Variants in SNTB2 observed in about 807,000 individuals in gnomAD.
The protein encoded by SNTB2 is beta-2-syntrophin.
In SNTB2, 34 loss-of-function variants were observed where a neutral mutation model predicts 46.2. The ratio of observed to expected loss-of-function variants is 0.74; its 90% CI spans 0.56 to 0.98. The LOEUF is 0.98. Among genes scored for constraint, SNTB2 ranks in the 50% least tolerant of loss-of-function variants. The pLI is 0.00. For missense variants in SNTB2, 603 were observed against 731.4 expected (o/e 0.82, Z 2.02); for synonymous variants, 290 against 312.6 (o/e 0.93, Z 0.76).
Position 69,187,470 on chromosome 16 carries a change from G to T in SNTB2, c.304G>T (p.Gly102Cys). Reference sequence around the variant, plus strand: ...CCCGAGCCCGCCGGCGCCGCCTCGGGGCCCCGCGGGTGAGGCGGGCGCGTC... The same window carrying T: ...CCCGAGCCCGCCGGCGCCGCCTCGGTGCCCCGCGGGTGAGGCGGGCGCGTC... Reference protein sequence around the residue: ...GPPSPPAPPRGPAGEAGASPP... With the variant: ...GPPSPPAPPRCPAGEAGASPP... Residue 102 changes from glycine to cysteine, a missense_variant, in exon 1 of 7, where the codon GGC becomes TGC. Transcript: ENST00000336278. 8.3e-7 allele frequency: 1 copy of T among 1,207,150 alleles called. No homozygotes were observed. Among genetic ancestry groups the T allele is most frequent in the Non-Finnish European group, 1.0e-6 (1 of 967,970 alleles). 74.8% of individuals were successfully genotyped at this position (1,207,150 alleles called of 1,614,324 possible).
chr16:69,237,545 G>A (rs978866096), intron 1 of SNTB2, among the ~76,000 whole-genome samples: 21 of 151,564 alleles, frequency 1.4e-4, no homozygotes, highest in Admixed American at 4.0e-4. Flanking sequence ...TTTCAGTTTG[G>A]ATAAACTTGG....
In SNTB2 at chr16:69,279,515, C is replaced by CTTTTTTTTTTTTTTTT; in HGVS notation, c.1149-4520_1149-4505dup. Among the ~76,000 whole-genome samples the CTTTTTTTTTTTTTTTT allele has an allele frequency of 1.2e-3, 84 of 71,734 alleles. 9 individuals carry two copies. The highest frequency in any genetic ancestry group is 1.4e-3 in the African/African-American group (20 of 14,720). The allele number at this position is 71,734 out of a possible 152,430, so 47.1% of individuals were successfully genotyped here. On this transcript the variant is annotated intron_variant, in intron 4 of 6. Coordinates refer to ENST00000336278, the MANE Select transcript of SNTB2 (RefSeq NM_006750.4). ...TATACCAAGAAGTGGGTCCTTTGCC[C>CTTTTTTTTTTTTTTTT]TTTTTTTTTTTTTTTTTTTTTTTTT... is the stretch of plus-strand genomic sequence containing the variant.
chr16:69,279,839 A>T lies in SNTB2; in HGVS notation c.1149-4209A>T, dbSNP rs1248993722. ...CACCACGCCTGGCTGTCCTTTGCCC[A>T]TTTTTTTTAATTAATTAATTAATTA... On this transcript the variant is annotated intron_variant, in intron 4 of 6. Coordinates refer to ENST00000336278, the MANE Select transcript of SNTB2 (RefSeq NM_006750.4). Among the ~76,000 whole-genome samples, 5 of 137,336 alleles carry T rather than the reference A, an allele frequency of 3.6e-5. No individual in the cohort carries two copies. In the East Asian group the frequency reaches 1.1e-3, roughly 30 times the overall value. The allele number at this position is 137,336 out of a possible 152,430, so 90.1% of individuals were successfully genotyped here.
In SNTB2 at chr16:69,245,823, G is replaced by T. The variant is rs746862656; in HGVS notation, c.794+8G>T. ...GCCGGATCTGGAAAACAGGTGAGGT[G>T]TACCTAACAAGAACATCATACCTAC... On this transcript the variant is annotated splice_region_variant and intron_variant, in intron 2 of 6. Transcript: ENST00000336278. 2 of 1,613,202 alleles carry T rather than the reference G, an allele frequency of 1.2e-6. No individual in the cohort carries two copies. The highest frequency in any genetic ancestry group is 1.6e-4 in the Middle Eastern group (1 of 6,076).
At chr16:69,195,625 C>T (rs576715143) in intron 1 of SNTB2, among the ~76,000 whole-genome samples, 1 of 152,136 alleles carries the variant, frequency 6.6e-6, no homozygotes, top group African/African-American at 2.4e-5. Flanking sequence ...TGTGGAGGGT[C>T]TAATTCTGTA....
chr16:69,308,197 C>T lies in SNTB2; in HGVS notation c.*7273C>T, dbSNP rs76940144. 4,766 of 152,694 alleles carry T rather than the reference C, an allele frequency of 0.031. 117 individuals carry two copies. Among genetic ancestry groups the T allele is most frequent in the Non-Finnish European group, 0.048 (3,272 of 68,020 alleles). The allele number at this position is 152,694 out of a possible 1,614,324, so 9.5% of individuals were successfully genotyped here. ...GCTAATGATTGTATACTATTAAAAC[C>T]AGCACATAAGTATTGTAAATGTGTG... On this transcript the variant is annotated 3_prime_UTR_variant, in exon 7 of 7. Coordinates refer to ENST00000336278, the MANE Select transcript of SNTB2 (RefSeq NM_006750.4).
At chr16:69,230,652 C>G (rs992661689) in intron 1 of SNTB2, among the ~76,000 whole-genome samples, 1 of 151,862 alleles carries the variant, frequency 6.6e-6, no homozygotes, top group African/African-American at 2.4e-5. Flanking sequence ...TGAGCCACTG[C>G]GCCTGGCCGG....
intron 3 of SNTB2, among the ~76,000 whole-genome samples, chr16:69,266,313 G>A (rs529375363): frequency 2.2e-4 from 34 of 152,148 alleles, no homozygotes; most frequent in Non-Finnish European, 4.6e-4. Flanking sequence ...GCAGTGATCC[G>A]AGATGGGGCC....
At chr16:69,200,413 G>A (rs1964150491) in intron 1 of SNTB2, among the ~76,000 whole-genome samples, 1 of 152,148 alleles carries the variant, frequency 6.6e-6, no homozygotes, top group Admixed American at 6.5e-5. Flanking sequence ...CTAGAAGGGT[G>A]GAATACACAT....
intron 1 of SNTB2, among the ~76,000 whole-genome samples, chr16:69,205,881 T>TATTAAAA (rs1157181298): frequency 6.6e-6 from 1 of 152,228 alleles, no homozygotes; most frequent in African/African-American, 2.4e-5. Flanking sequence ...ACCAATGTAT[T>TATTAAAA]ATTAAAAATA....
At chr16:69,204,019 A>C (rs1426443122) in intron 1 of SNTB2, among the ~76,000 whole-genome samples, 1 of 152,052 alleles carries the variant, frequency 6.6e-6, no homozygotes, top group Admixed American at 6.6e-5. Flanking sequence ...CAGCCTCCCA[A>C]GGAGCTGGAA....
chr16:69,217,043 C>G (rs1319127046), intron 1 of SNTB2, among the ~76,000 whole-genome samples: 2 of 151,850 alleles, frequency 1.3e-5, no homozygotes, highest in African/African-American at 4.8e-5. Context: ...TTTTTAAAGT[C>G]TGGATATCTG....
intron 2 of SNTB2, among the ~76,000 whole-genome samples, chr16:69,258,915 T>C (rs559289134): frequency 6.6e-6 from 1 of 152,142 alleles, no homozygotes; most frequent in Non-Finnish European, 1.5e-5. Flanking sequence ...GCCTGGCCGC[T>C]AATTTTCTAT....
At chr16:69,289,131 T>C (rs1490237434) in intron 5 of SNTB2, among the ~76,000 whole-genome samples, 1 of 151,868 alleles carries the variant, frequency 6.6e-6, no homozygotes, top group African/African-American at 2.4e-5. Flanking sequence ...TAGCCAGGTG[T>C]GGTGATGCAT....
intron 1 of SNTB2, among the ~76,000 whole-genome samples, chr16:69,225,165 A>G (rs1041219611): frequency 1.3e-5 from 2 of 152,244 alleles, no homozygotes; most frequent in African/African-American, 4.8e-5. Context: ...AAGAGAAAAG[A>G]AAATTACCAA....
chr16:69,194,572 A>T (rs779536379), intron 1 of SNTB2, among the ~76,000 whole-genome samples: 8 of 152,182 alleles, frequency 5.3e-5, no homozygotes, highest in Non-Finnish European at 1.0e-4. Flanking sequence ...TTAAATCCAT[A>T]AATTAATTTG....
Position 69,284,200 on chromosome 16 carries a change from A to G in SNTB2, c.1301A>G (p.Gln434Arg). 1 of 1,613,942 alleles carries G rather than the reference A, an allele frequency of 6.2e-7. No individual in the cohort carries two copies. The highest frequency in any genetic ancestry group is 2.2e-5 in the East Asian group (1 of 44,876). ...DLSSWTRILV[Q>R]GCHAAAELIK... is the part of the protein sequence containing the mutation. Reference sequence around the variant, plus strand: ...TCATCCTGGACCAGGATACTTGTTCAGGGTTGCCATGCTGCTGCTGAGCTG... The same window carrying G: ...TCATCCTGGACCAGGATACTTGTTCGGGGTTGCCATGCTGCTGCTGAGCTG... Residue 434 changes from glutamine to arginine, a missense_variant, in exon 5 of 7, where the codon CAG becomes CGG. Physicochemically the swap from Gln to Arg is conservative, Grantham distance 43. This residue lies in a region of SNTB2 where 537 missense variants were observed against 692.4 expected (regional missense o/e 0.78). Coordinates refer to ENST00000336278, the MANE Select transcript of SNTB2 (RefSeq NM_006750.4).
chr16:69,242,488 G>A (rs964882950), intron 1 of SNTB2, among the ~76,000 whole-genome samples: 2 of 152,020 alleles, frequency 1.3e-5, no homozygotes, highest in African/African-American at 2.4e-5. Context: ...TCTTAAATAC[G>A]TTTTTAAAAT....
At chr16:69,210,896 C>A (rs1369821330) in intron 1 of SNTB2, among the ~76,000 whole-genome samples, 2 of 152,032 alleles carry the variant, frequency 1.3e-5, no homozygotes, top group Non-Finnish European at 2.9e-5. Flanking sequence ...GAGACTGAGG[C>A]AGGAGAATCG....
Sources: allele counts gnomAD v4.1 joint callset (sites outside exome capture counted in the v4.1 genomes callset), GRCh38; gene constraint gnomAD v4.1.1; regional missense constraint gnomAD v4.1.1; transcripts MANE v1.5; gene names NCBI Gene and HGNC (gene_info 2026-07-23, HGNC 2026-07-21).